TRIM37: variants seen among roughly 807,000 people sequenced by gnomAD.
The protein encoded by TRIM37 is tripartite motif containing 37, also known as E3 ubiquitin-protein ligase TRIM37.
Under a neutral mutation model 129.8 loss-of-function variants are expected in TRIM37, and 80 were observed. That is an observed-to-expected ratio of 0.62 (90% CI 0.51 to 0.74). TRIM37 has a LOEUF of 0.74. TRIM37 is among the 30% of genes least tolerant of loss of function. The pLI is 0.00. For synonymous variants in TRIM37, 389 were observed against 387.1 expected (o/e 1.00, Z -0.06); for missense variants, 1,054 against 1,176.5 (o/e 0.90, Z 1.52).
chr17:59,080,988 A>C, intron 6 of TRIM37, 109 bp downstream of exon 6: 2 of 672,042 alleles, frequency 3.0e-6, no homozygotes, highest in Non-Finnish European at 3.9e-6. Flanking sequence ...TCAAATTTGC[A>C]AATCTTGAAA....
chr17:58,975,209 A>G, the TRIM37 span, among the ~76,000 whole-genome samples: 3 of 152,242 alleles, frequency 2.0e-5, no homozygotes, highest in African/African-American at 7.2e-5. Flanking sequence ...AACTCAAACC[A>G]AACACCTATT....
chr17:59,068,736 C>T (rs561065725), intron 9 of TRIM37, among the ~76,000 whole-genome samples: 59 of 152,296 alleles, frequency 3.9e-4, no homozygotes, highest in Non-Finnish European at 6.3e-4. Flanking sequence ...TTCTACTGGT[C>T]AATGAGAACC....
intron 22 of TRIM37, among the ~76,000 whole-genome samples, chr17:59,003,224 A>G (rs2144586835): frequency 6.6e-6 from 1 of 152,314 alleles, no homozygotes; most frequent in Admixed American, 6.5e-5. Context: ...ATGTCTGCCT[A>G]CTGGCATAGG....
intron 11 of TRIM37, 110 bp from the exon 12 acceptor site, chr17:59,061,218 T>G (rs997894382): frequency 1.3e-5 from 11 of 822,382 alleles, no homozygotes; most frequent in Admixed American, 4.4e-5. Flanking sequence ...CTCAAAGCAA[T>G]GGAAGAAATA....
intron 2 of TRIM37, among the ~76,000 whole-genome samples, chr17:59,094,230 G>A (rs2147382518): frequency 6.6e-6 from 1 of 152,176 alleles, no homozygotes; most frequent in East Asian, 1.9e-4. Flanking sequence ...AAATAAATAT[G>A]ACAATGTTAA....
At chr17:59,016,143 T>C (rs1046394362) in intron 20 of TRIM37, among the ~76,000 whole-genome samples, 1 of 151,896 alleles carries the variant, frequency 6.6e-6, no homozygotes, top group Non-Finnish European at 1.5e-5. Flanking sequence ...CCTGTAATCC[T>C]GGCACTCTGG....
At chr17:59,042,818 C>CT (rs1238841818) in intron 16 of TRIM37, among the ~76,000 whole-genome samples, 2 of 151,764 alleles carry the variant, frequency 1.3e-5, no homozygotes, top group African/African-American at 4.8e-5. Context: ...AAAAAAAGAA[C>CT]TGTGTCAGGC....
At chr17:59,033,538 T>G (rs981093879) in intron 17 of TRIM37, among the ~76,000 whole-genome samples, 1 of 152,046 alleles carries the variant, frequency 6.6e-6, no homozygotes, top group Non-Finnish European at 1.5e-5. Context: ...GTTCAAGCGA[T>G]TCTCCTGCCT....
chr17:58,989,006 T>C, intron 24 of TRIM37, among the ~76,000 whole-genome samples: 1 of 152,222 alleles, frequency 6.6e-6, no homozygotes. Flanking sequence ...GCCTCCTTAC[T>C]TTCAGGTGTA....
In TRIM37 at chr17:59,056,859, A is replaced by C; in HGVS notation, c.1199+16T>G. 6.2e-7 allele frequency: 1 copy of C among 1,612,540 alleles called. No individual in the cohort carries two copies. The highest frequency in any genetic ancestry group is 8.5e-7 in the Non-Finnish European group (1 of 1,178,856). On this transcript the variant is annotated intron_variant, in intron 13 of 23. Coordinates refer to ENST00000262294, the MANE Select transcript of TRIM37 (RefSeq NM_015294.6). The stretch of plus-strand genomic sequence containing the variant: ...TCCCCACAATAAAAACCACAACATC[A>C]AATTTTTCCTGTTACCTTAAAATCA...
intron 17 of TRIM37, among the ~76,000 whole-genome samples, chr17:59,035,407 C>A (rs369199090): frequency 1.3e-5 from 2 of 152,140 alleles, no homozygotes; most frequent in East Asian, 1.9e-4. Context: ...CAATTTATTT[C>A]TTTATTCTAT....
At chr17:59,092,533 T>G (rs938637569) in intron 2 of TRIM37, among the ~76,000 whole-genome samples, 9 of 152,050 alleles carry the variant, frequency 5.9e-5, no homozygotes, top group African/African-American at 9.7e-5. Flanking sequence ...TATTAATAAT[T>G]TATTAGGAAA....
At chr17:59,033,820 G>C (rs1015259539) in intron 17 of TRIM37, among the ~76,000 whole-genome samples, 1 of 151,438 alleles carries the variant, frequency 6.6e-6, no homozygotes, top group Non-Finnish European at 1.5e-5. Flanking sequence ...CACTGAACAA[G>C]AATACTGGGG....
intron 19 of TRIM37, among the ~76,000 whole-genome samples, chr17:59,022,085 T>A (rs372236499): frequency 6.6e-6 from 1 of 152,242 alleles, no homozygotes; most frequent in East Asian, 1.9e-4. Context: ...AATAATTTTA[T>A]AGCATAGAAA....
chr17:59,051,311 G>A lies in TRIM37; in HGVS notation c.1217C>T (p.Pro406Leu). ...GTCCCGGGATTTTTGAAAGAAAGTT[G>A]GTGAACGTACCTGAAACCTTAAAAG... ...TVILRFQVRS[P>L]TFFQKSRDQH... The change falls in exon 14 of 24, where the codon CCA becomes CTA. Residue 406 changes from proline (P) to leucine (L), a missense_variant. Pro to Leu is a moderately conservative substitution (Grantham distance 98). Around this residue, in one of 3 missense-constraint regions of TRIM37, gnomAD observed 752 missense variants for 870.8 expected, o/e 0.86. Coordinates refer to ENST00000262294, the MANE Select transcript of TRIM37 (RefSeq NM_015294.6). 1 of 1,612,530 alleles carries A rather than the reference G, an allele frequency of 6.2e-7. No homozygotes were observed. Among genetic ancestry groups the A allele is most frequent in the Non-Finnish European group, 8.5e-7 (1 of 1,179,062 alleles).
downstream of TRIM37, among the ~76,000 whole-genome samples, chr17:58,997,406 A>G (rs1274538132): frequency 6.6e-6 from 1 of 152,236 alleles, no homozygotes; most frequent in Non-Finnish European, 1.5e-5. Flanking sequence ...GCACTAGACC[A>G]GCAGTTCACC....
intron 19 of TRIM37, among the ~76,000 whole-genome samples, chr17:59,023,071 TTTTATTTA>T (rs527276083): frequency 6.6e-6 from 1 of 152,000 alleles, no homozygotes; most frequent in Non-Finnish European, 1.5e-5. Context: ...CTTTTAACTT[TTTTATTTA>T]TTTATTTATT....
intron 24 of TRIM37, chr17:58,983,333 G>A: frequency 6.3e-6 from 1 of 158,654 alleles, no homozygotes; most frequent in Non-Finnish European, 1.4e-5. Context: ...CCATTTGTAA[G>A]GTAAATCCTT....
At chr17:58,985,364 A>G (rs930936757) in intron 24 of TRIM37, among the ~76,000 whole-genome samples, 9 of 152,242 alleles carry the variant, frequency 5.9e-5, no homozygotes, top group African/African-American at 2.2e-4. Flanking sequence ...AGAGGTATTT[A>G]GCCTTATACA....
Sources: allele counts gnomAD v4.1 joint callset (sites outside exome capture counted in the v4.1 genomes callset), GRCh38; gene constraint gnomAD v4.1.1; regional missense constraint gnomAD v4.1.1; transcripts MANE v1.5; gene names NCBI Gene and HGNC (gene_info 2026-07-23, HGNC 2026-07-21).